ST3GAL3: variants seen among roughly 807,000 people sequenced by gnomAD.
The protein encoded by ST3GAL3 is CMP-N-acetylneuraminate-beta-1,4-galactoside alpha-2,3-sialyltransferase.
ST3GAL3 carries 21 observed loss-of-function variants against 50.1 expected under a neutral mutation model. That is an observed-to-expected ratio of 0.42 (90% CI 0.30 to 0.60). The LOEUF is 0.60. ST3GAL3 is among the 20% of genes least tolerant of loss of function. The pLI is 0.19. For missense variants in ST3GAL3, 353 were observed against 489.4 expected (o/e 0.72, Z 2.63); for synonymous variants, 183 against 190.0 (o/e 0.96, Z 0.30).
intron 1 of ST3GAL3, among the ~76,000 whole-genome samples, chr1:43,712,381 G>C (rs1665212215): frequency 6.6e-6 from 1 of 152,102 alleles, no homozygotes; most frequent in Non-Finnish European, 1.5e-5. Context: ...CATATTTTAT[G>C]TGAGTGTATA....
chr1:43,851,750 T>A, intron 5 of ST3GAL3: 1 of 928,094 alleles, frequency 1.1e-6, no homozygotes, highest in Non-Finnish European at 1.7e-6. Context: ...GGTCCGAAGC[T>A]GCCGGAACAC....
chr1:43,924,930 T>TA (rs1452889161), intron 11 of ST3GAL3, among the ~76,000 whole-genome samples: 2 of 152,150 alleles, frequency 1.3e-5, no homozygotes, highest in Non-Finnish European at 2.9e-5. Flanking sequence ...CCATTACATG[T>TA]AAAACCTCAC....
At chr1:43,851,860 C>A (rs1470057659) in intron 5 of ST3GAL3, among the ~76,000 whole-genome samples, 1 of 152,202 alleles carries the variant, frequency 6.6e-6, no homozygotes, top group Non-Finnish European at 1.5e-5. Context: ...CACGCACCAG[C>A]AACGTGACTG....
intron 2 of ST3GAL3, among the ~76,000 whole-genome samples, chr1:43,755,353 C>A (rs1572189930): frequency 6.6e-6 from 1 of 152,188 alleles, no homozygotes; most frequent in Admixed American, 6.5e-5. Flanking sequence ...TAGATAATGT[C>A]ACGTGTTGGC....
intron 4 of ST3GAL3, among the ~76,000 whole-genome samples, chr1:43,817,141 A>G (rs2061337504): frequency 6.6e-6 from 1 of 152,198 alleles, no homozygotes; most frequent in African/African-American, 2.4e-5. Flanking sequence ...ACATGACCTT[A>G]GATAATTATT....
intron 3 of ST3GAL3, among the ~76,000 whole-genome samples, chr1:43,803,118 G>C (rs372618997): frequency 5.3e-4 from 80 of 152,180 alleles, no homozygotes; most frequent in African/African-American, 1.8e-3. Context: ...TAGAGACGGG[G>C]TTTCACTGTA....
At chr1:43,917,676 TATA>T (rs2082301719) in intron 9 of ST3GAL3, among the ~76,000 whole-genome samples, 1 of 107,556 alleles carries the variant, frequency 9.3e-6, no homozygotes, top group Non-Finnish European at 1.8e-5. Flanking sequence ...ATATTATATA[TATA>T]TATATTTTAA....
At chr1:43,906,610 C>T (rs2079798690) in intron 9 of ST3GAL3, among the ~76,000 whole-genome samples, 1 of 149,392 alleles carries the variant, frequency 6.7e-6, no homozygotes, top group African/African-American at 2.5e-5. Context: ...CTTCCTCCTC[C>T]TCCTGCTCTT....
chr1:43,851,255 G>A (rs773501496), intron 5 of ST3GAL3: 2 of 1,576,294 alleles, frequency 1.3e-6, no homozygotes, highest in Non-Finnish European at 1.7e-6. Context: ...GATGGACGTG[G>A]CAGAGATTTT....
intron 3 of ST3GAL3, among the ~76,000 whole-genome samples, chr1:43,811,655 C>G (rs2060575245): frequency 6.6e-6 from 1 of 152,188 alleles, no homozygotes; most frequent in Non-Finnish European, 1.5e-5. Context: ...AGGCCAGTCC[C>G]CATGCAGTGT....
At chr1:43,838,488 G>T in intron 5 of ST3GAL3, 177 bp downstream of exon 5, 1 of 642,864 alleles carries the variant, frequency 1.6e-6, no homozygotes, top group Non-Finnish European at 2.9e-6. Flanking sequence ...CCGTTGCTTT[G>T]CCTTACTCCC....
chr1:43,820,139 C>G (rs1328513631), intron 4 of ST3GAL3, among the ~76,000 whole-genome samples: 1 of 151,894 alleles, frequency 6.6e-6, no homozygotes, highest in Non-Finnish European at 1.5e-5. Context: ...AATAGAGAAC[C>G]CAGAAATAAA....
chr1:43,767,761 C>T (rs1031731363), intron 2 of ST3GAL3, among the ~76,000 whole-genome samples: 10 of 149,650 alleles, frequency 6.7e-5, no homozygotes, highest in Non-Finnish European at 1.2e-4. Flanking sequence ...CGCCATGGCA[C>T]GTGTTTACCC....
At chr1:43,744,776 C>T (rs1253233367) in intron 2 of ST3GAL3, among the ~76,000 whole-genome samples, 1 of 150,804 alleles carries the variant, frequency 6.6e-6, no homozygotes, top group Admixed American at 6.6e-5. Context: ...CTGAGGCAGG[C>T]GGGATCACCT....
intron 11 of ST3GAL3, among the ~76,000 whole-genome samples, chr1:43,921,256 C>T (rs1182993040): frequency 6.6e-6 from 1 of 152,150 alleles, no homozygotes; most frequent in African/African-American, 2.4e-5. Context: ...GCTATTTTCC[C>T]TCAAAAAACC....
rs147727685 is a variant in ST3GAL3, at chr1:43,749,340, A to G, written c.118+12960A>G. 3.3e-5 allele frequency among the ~76,000 whole-genome samples: 5 copies of G among 152,358 alleles called. No homozygotes were observed. In the East Asian group the frequency reaches 9.6e-4, roughly 29 times the overall value. ...CCATTGAGATTCTTTCTGCTCTTCA[A>G]ATTGTTCCATCAAGTAAATAAAAAG... On this transcript the variant is annotated intron_variant, in intron 2 of 11. Transcript: ENST00000347631.
intron 5 of ST3GAL3, among the ~76,000 whole-genome samples, chr1:43,860,181 T>C (rs2069550526): frequency 6.6e-6 from 1 of 152,232 alleles, no homozygotes; most frequent in Non-Finnish European, 1.5e-5. Context: ...GAAAGAATCC[T>C]TCCTCCAAAG....
intron 5 of ST3GAL3, among the ~76,000 whole-genome samples, chr1:43,863,493 T>G (rs937031401): frequency 6.6e-6 from 1 of 152,198 alleles, no homozygotes; most frequent in East Asian, 1.9e-4. Context: ...CCCTGGCACA[T>G]TCACACAAGT....
intron 5 of ST3GAL3, among the ~76,000 whole-genome samples, chr1:43,880,930 G>A (rs1253992258): frequency 6.6e-6 from 1 of 152,120 alleles, no homozygotes; most frequent in East Asian, 1.9e-4. Context: ...TGTTATTATT[G>A]TGACGTTGAT....
Sources: gnomAD v4.1 joint callset for allele counts (sites outside exome capture counted in the v4.1 genomes callset) on GRCh38, gnomAD v4.1.1 for gene constraint, MANE v1.5 for transcripts, NCBI Gene and HGNC (gene_info 2026-07-23, HGNC 2026-07-21) for gene names.